Variants in GYG2 observed in about 807,000 individuals in gnomAD.
GYG2 encodes glycogenin 2, also known as glycogenin-2.
A neutral mutation model predicts 29.4 loss-of-function variants in GYG2; 29 were observed. That is an observed-to-expected ratio of 0.99 (90% confidence interval 0.74 to 1.35). The LOEUF (loss-of-function observed/expected upper bound fraction) is 1.35, where lower values mean the gene tolerates loss of function less well. GYG2 is among the 40% of genes most tolerant of loss of function. The pLI, the probability that GYG2 is intolerant of heterozygous loss-of-function variation, is 0.00. For missense variants in GYG2, 370 were observed against 385.7 expected, an observed-to-expected ratio of 0.96 and a Z score of 0.34; for synonymous variants, 167 against 172.3, an observed-to-expected ratio of 0.97 and a Z score of 0.24.
At position 2,882,485 on chromosome X, in the gene GYG2, A is replaced by G. The variant is rs1017461066; in HGVS notation, c.*1272A>G. 9.1e-6 allele frequency: 1 copy of G among 110,210 alleles called. No individual in the cohort carries two copies. Among genetic ancestry groups the G allele is most frequent in the Admixed American group, 9.8e-5 (1 of 10,178 alleles). The allele number at this position is 110,210 out of a possible 1,213,427, so 9.1% of individuals were successfully genotyped here. A position where few individuals can be genotyped will look rare whatever the true frequency, so the allele number is the denominator to read the frequency against. ...AGAGGAACCTGCCTGAATTTATGGC[A>G]TTAGTGGTGGCATTTTTTTGTGTAC... On this transcript the variant is annotated 3_prime_UTR_variant, in exon 11 of 11. Transcript: ENST00000398806.
At position 2,866,835 on chromosome X, in the gene GYG2, TTTA is replaced by T. The variant is rs1222249167; in HGVS notation, c.1038+5114_1038+5116del. On this transcript the variant is annotated intron_variant, in intron 8 of 10. Transcript: ENST00000398806. ...ATTTTTAAAAAGTAAATTTTTTTTT[TTTA>T]AAAAAAAGTATGTTCAACAGCCAGC... Among the ~76,000 whole-genome samples the T allele has an allele frequency of 4.4e-4, 29 of 65,993 alleles. No individual in the cohort carries two copies. The East Asian group carries it at 0.02, about 45-fold the overall frequency. 57.3% of individuals were successfully genotyped at this position (65,993 alleles called of 115,157 possible). A position where few individuals can be genotyped will look rare whatever the true frequency, so the allele number is the denominator to read the frequency against.
rs187430043 is a variant in GYG2, at chrX:2,848,616, A to T, written c.149+5262A>T. On this transcript the variant is annotated intron_variant, in intron 3 of 10. Coordinates refer to ENST00000398806, the MANE Select transcript of GYG2 (RefSeq NM_001079855.2). ...GTGAGTGGAAAGGTACACATAGCACATCCAGCAGGTTCCGTGTTTTATTTT... is the reference window on the plus strand; with the variant it reads ...GTGAGTGGAAAGGTACACATAGCACTTCCAGCAGGTTCCGTGTTTTATTTT... 8.1e-5 allele frequency among the ~76,000 whole-genome samples: 9 copies of T among 111,087 alleles called. No homozygotes were observed. The East Asian group carries it at 2.5e-3, about 31-fold the overall frequency.
At chrX:2,837,028 T>G (rs1297986316) in intron 2 of GYG2, among the ~76,000 whole-genome samples, 4 of 111,412 alleles carry the variant, frequency 3.6e-5, no homozygotes, top group Non-Finnish European at 3.8e-5. Context: ...GCCTCTCGGT[T>G]AAGATCTCAG....
intron 1 of GYG2, among the ~76,000 whole-genome samples, chrX:2,829,740 G>A (rs1320986006): frequency 3.6e-5 from 4 of 110,232 alleles, no homozygotes; most frequent in Admixed American, 2.9e-4. Context: ...GCAGGTGCGC[G>A]GGGCGGCGGG....
intron 6 of GYG2, among the ~76,000 whole-genome samples, chrX:2,857,928 C>T (rs189256936): frequency 4.5e-5 from 5 of 111,298 alleles, no homozygotes; most frequent in African/African-American, 1.6e-4. Context: ...CACTACATGG[C>T]ATGTGATAAG....
chrX:2,837,026 G>A (rs1003213857), intron 2 of GYG2, among the ~76,000 whole-genome samples: 2 of 111,443 alleles, frequency 1.8e-5, no homozygotes, highest in African/African-American at 6.5e-5. Context: ...GTGCCTCTCG[G>A]TTAAGATCTC....
In GYG2 at chrX:2,877,938, G is replaced by A. The variant is rs1004340525; in HGVS notation, c.1251+631G>A. 1.2e-5 allele frequency: 9 copies of A among 748,283 alleles called. No homozygotes were observed. The African/African-American group carries it at 2.1e-4, about 17-fold the overall frequency. 61.7% of individuals were successfully genotyped at this position (748,283 alleles called of 1,213,427 possible). ...AAAGTTGGTATTGAACGCATGTTTAGAGTGTGACCTACTGTGTTGGCTAAA... is the reference window on the plus strand; with the variant it reads ...AAAGTTGGTATTGAACGCATGTTTAAAGTGTGACCTACTGTGTTGGCTAAA... On this transcript the variant is annotated intron_variant, in intron 10 of 10. Transcript: ENST00000398806.
chrX:2,837,491 A>G (rs2087399199), intron 2 of GYG2, among the ~76,000 whole-genome samples: 1 of 110,920 alleles, frequency 9.0e-6, no homozygotes, highest in Non-Finnish European at 1.9e-5. Flanking sequence ...AGGGGAGCCA[A>G]TCCCTCTGAG....
intron 8 of GYG2, among the ~76,000 whole-genome samples, chrX:2,872,283 C>G (rs1194405570): frequency 8.9e-6 from 1 of 112,406 alleles, no homozygotes; most frequent in Non-Finnish European, 1.9e-5. Flanking sequence ...CATTCACAAG[C>G]TTGCCAAAAA....
chrX:2,847,719 TAAATAA>T (rs371200140), intron 3 of GYG2, among the ~76,000 whole-genome samples: 17,276 of 100,464 alleles, frequency 0.17, 1,097 homozygotes, highest in East Asian at 0.26. Context: ...AATAAATAAA[TAAATAA>T]ATAAATAAAT....
At chrX:2,856,776 CTATCT>C (rs1167437885) in intron 6 of GYG2, 152 bp downstream of exon 6, 5 of 390,398 alleles carry the variant, frequency 1.3e-5, no homozygotes, top group African/African-American at 1.2e-4. Context: ...ATCTATCTAT[CTATCT>C]ATCTATCATC....
rs2088171163 is a variant in GYG2 at position 2,861,648 on chromosome X, G to T, written c.964G>T (p.Ala322Ser). The change falls in exon 8 of 11, where the codon GCT becomes TCT. Residue 322 changes from alanine (A) to serine (S), a missense_variant. Ala to Ser is a moderately conservative substitution (Grantham distance 99, BLOSUM62 1). Transcript: ENST00000398806. ...ANSPLGSNQP[A>S]QGLPEPTQIV... ...TTCACCACTGGGTTCTAACCAGCCT[G>T]CTCAGGGCCTTCCGGAGCCGACCCA... The T allele has an allele frequency of 8.3e-7, 1 of 1,205,595 alleles. No homozygotes were observed.
chrX:2,840,196 T>C (rs755835808), intron 2 of GYG2, among the ~76,000 whole-genome samples: 2 of 111,767 alleles, frequency 1.8e-5, no homozygotes, highest in South Asian at 7.5e-4. Flanking sequence ...TCTTTCTGCT[T>C]CCACACTCTT....
At chrX:2,843,107 C>G (rs1284999627) in intron 2 of GYG2, 106 bp from the exon 3 acceptor site, 2 of 688,850 alleles carry the variant, frequency 2.9e-6, no homozygotes, top group Admixed American at 2.4e-5. Flanking sequence ...ACCATCACGT[C>G]TGGCCCAAGC....
In GYG2 at chrX:2,844,495, C is replaced by T. The variant is rs373375422; in HGVS notation, c.149+1141C>T. 2.2e-4 allele frequency among the ~76,000 whole-genome samples: 24 copies of T among 106,860 alleles called. No homozygotes were observed. The South Asian group carries it at 2.5e-3, about 11-fold the overall frequency. The allele number at this position is 106,860 out of a possible 115,157, so 92.8% of individuals were successfully genotyped here. On this transcript the variant is annotated intron_variant, in intron 3 of 10. Coordinates refer to ENST00000398806, the MANE Select transcript of GYG2 (RefSeq NM_001079855.2). ...ATGCATATATATGTGTATATGCACG[C>T]GTGTGCGTATATATGTGTATACGCA...
At chrX:2,866,816 A>T (rs1039935481) in intron 8 of GYG2, among the ~76,000 whole-genome samples, 1 of 81,090 alleles carries the variant, frequency 1.2e-5, no homozygotes, top group African/African-American at 5.0e-5. Flanking sequence ...GTCAATTTTT[A>T]AAAAGTAAAT....
rs149219794 is a variant in GYG2, at chrX:2,878,200, G to A, written c.1251+893G>A. The A allele has an allele frequency of 6.9e-3, 5,166 of 745,092 alleles. 216 individuals are homozygous for A. The African/African-American group carries it at 0.11, about 16-fold the overall frequency. The allele number at this position is 745,092 out of a possible 1,213,427, so 61.4% of individuals were successfully genotyped here. On this transcript the variant is annotated intron_variant, in intron 10 of 10. Transcript: ENST00000398806. ...GTGAGTGACAGGGCATCAGTGTGAG[G>A]TTGGGTAAGACCTACGTTGGACAGC...
chrX:2,870,480 G>T (rs1424059122), intron 8 of GYG2, among the ~76,000 whole-genome samples: 1 of 111,592 alleles, frequency 9.0e-6, no homozygotes, highest in African/African-American at 3.3e-5. Flanking sequence ...TGGCATTACA[G>T]GCATGAGCCA....
At chrX:2,861,932 A>G (rs767232099) in intron 8 of GYG2, among the ~76,000 whole-genome samples, 1 of 111,709 alleles carries the variant, frequency 9.0e-6, no homozygotes, top group Non-Finnish European at 1.9e-5. Flanking sequence ...CTATGCCCCA[A>G]TCCCTAGGAC....
Sources: gnomAD v4.1 joint callset for allele counts (sites outside exome capture counted in the v4.1 genomes callset) on GRCh38, gnomAD v4.1.1 for gene constraint, MANE v1.5 for transcripts, NCBI Gene and HGNC (gene_info 2026-07-23, HGNC 2026-07-21) for gene names.